Variants in PLSCR2 observed in about 807,000 individuals in gnomAD.
The protein encoded by PLSCR2 is PL scramblase 2.
PLSCR2 carries 18 observed loss-of-function variants against 25.3 expected under a neutral mutation model. That is an observed-to-expected ratio of 0.71 (90% CI 0.49 to 1.06). The LOEUF (loss-of-function observed/expected upper bound fraction) is 1.06, where lower values mean the gene tolerates loss of function less well. PLSCR2 is among the 50% of genes least tolerant of loss of function. PLSCR2 has a pLI of 0.00. For synonymous variants in PLSCR2, 88 were observed against 87.3 expected, an observed-to-expected ratio of 1.01 and a Z score of -0.04; for missense variants, 243 against 269.5, an observed-to-expected ratio of 0.90 and a Z score of 0.69.
At chr3:146,444,722 T>G (rs576520484) in intron 6 of PLSCR2, among the ~76,000 whole-genome samples, 35 of 152,198 alleles carry the variant, frequency 2.3e-4, no homozygotes, top group African/African-American at 7.7e-4. Context: ...ATTCTATGTC[T>G]TTTGATTAGA....
chr3:146,395,398 C>T (rs1199576388), intron 3 of PLSCR2, among the ~76,000 whole-genome samples: 1 of 151,994 alleles, frequency 6.6e-6, no homozygotes, highest in Non-Finnish European at 1.5e-5. Context: ...CTATAGTTTC[C>T]AAATTAACAA....
chr3:146,471,831 TG>T (rs1481459169), intron 1 of PLSCR2, among the ~76,000 whole-genome samples: 1 of 152,222 alleles, frequency 6.6e-6, no homozygotes, highest in East Asian at 1.9e-4. Context: ...CCCAAAGTGC[TG>T]GGATTGCAGG....
At chr3:146,473,159 T>C (rs933569065) in intron 1 of PLSCR2, among the ~76,000 whole-genome samples, 1 of 152,216 alleles carries the variant, frequency 6.6e-6, no homozygotes, top group Non-Finnish European at 1.5e-5. Context: ...TCTGCTTTTT[T>C]TCATATTCTC....
downstream of PLSCR2, among the ~76,000 whole-genome samples, chr3:146,431,083 T>C (rs1243872415): frequency 2.5e-4 from 38 of 152,094 alleles, 1 homozygote; most frequent in Admixed American, 2.5e-3. Context: ...ACTCATTGCC[T>C]TCCCCCTCAG....
chr3:146,459,099 C>CAAACATT (rs2041398149), intron 2 of PLSCR2, among the ~76,000 whole-genome samples: 1 of 152,014 alleles, frequency 6.6e-6, no homozygotes, highest in African/African-American at 2.4e-5. Flanking sequence ...TAAGACAAAA[C>CAAACATT]AAACATTAAA....
At position 146,447,567 on chromosome 3, in the gene PLSCR2, A is replaced by C. The variant is rs188769107; in HGVS notation, c.645+1639T>G. ...ATTCTACTGTAGGGGGGTGGTATACAAGTTGCAAGAAAAAGACCTCTTTAC... is the reference window on the plus strand; with the variant it reads ...ATTCTACTGTAGGGGGGTGGTATACCAGTTGCAAGAAAAAGACCTCTTTAC... On this transcript the variant is annotated intron_variant, in intron 6 of 6. Transcript: ENST00000610787. Among the ~76,000 whole-genome samples, 290 of 152,208 alleles carry C rather than the reference A, an allele frequency of 1.9e-3. 2 individuals carry two copies. The highest frequency in any genetic ancestry group is 6.8e-3 in the African/African-American group (281 of 41,546).
At chr3:146,492,609 A>G (rs1185126203) in intron 1 of PLSCR2, among the ~76,000 whole-genome samples, 1 of 152,140 alleles carries the variant, frequency 6.6e-6, no homozygotes, top group Non-Finnish European at 1.5e-5. Context: ...GAAAACAAAG[A>G]TAAAACACAC....
intron 1 of PLSCR2, among the ~76,000 whole-genome samples, chr3:146,468,102 G>A (rs1283928259): frequency 6.6e-6 from 1 of 152,114 alleles, no homozygotes; most frequent in East Asian, 1.9e-4. Flanking sequence ...GTATTATTTT[G>A]CTCTTTTCAG....
At chr3:146,480,732 A>G (rs144542683) in intron 1 of PLSCR2, among the ~76,000 whole-genome samples, 1,659 of 152,320 alleles carry the variant, frequency 0.011, 26 homozygotes, top group African/African-American at 0.038. Context: ...AACTCATTTT[A>G]TAAGGCCAGC....
chr3:146,407,992 A>G (rs2038715721), intron 2 of PLSCR2, among the ~76,000 whole-genome samples: 1 of 152,170 alleles, frequency 6.6e-6, no homozygotes, highest in South Asian at 2.1e-4. Context: ...TGTGGGAGAG[A>G]AAGTCAAAGG....
intron 1 of PLSCR2, among the ~76,000 whole-genome samples, chr3:146,474,249 GCTAT>G (rs2042211953): frequency 2.6e-5 from 4 of 152,082 alleles, no homozygotes; most frequent in Admixed American, 2.0e-4. Flanking sequence ...CTCAAAACAT[GCTAT>G]CTTTTTTTAT....
chr3:146,455,175 C>G (rs1312082416), intron 4 of PLSCR2, 64 bp downstream of exon 4: 10 of 1,045,596 alleles, frequency 9.6e-6, no homozygotes, highest in Non-Finnish European at 1.2e-5. Flanking sequence ...TATACAGATT[C>G]AATAAAAGGG....
intron 3 of PLSCR2, among the ~76,000 whole-genome samples, chr3:146,394,612 C>A (rs987879332): frequency 6.6e-6 from 1 of 152,154 alleles, no homozygotes; most frequent in African/African-American, 2.4e-5. Context: ...AGAAGGTTTA[C>A]AAATAATGTC....
At chr3:146,442,283 A>G (rs35223042) in intron 6 of PLSCR2, among the ~76,000 whole-genome samples, 73,591 of 151,872 alleles carry the variant, frequency 0.48, 18,788 homozygotes, top group South Asian at 0.7. Context: ...AACATTCTGT[A>G]TACTGAAAAC....
At chr3:146,483,509 A>ATATATATACATGTGTATATATATATAT (rs1553791539) in intron 1 of PLSCR2, among the ~76,000 whole-genome samples, 1 of 127,074 alleles carries the variant, frequency 7.9e-6, no homozygotes. Context: ...ATATATATAT[A>ATATATATACATGTGTATATATATATAT]ATGTTACTAC....
intron 2 of PLSCR2, among the ~76,000 whole-genome samples, chr3:146,402,469 GT>G (rs796833368): frequency 1.7e-4 from 26 of 149,064 alleles, no homozygotes; most frequent in African/African-American, 4.9e-4. Flanking sequence ...ACATTCTGGT[GT>G]TTTTTTTTTC....
chr3:146,401,400 A>G (rs2038471091), intron 2 of PLSCR2: 1 of 152,576 alleles, frequency 6.6e-6, no homozygotes. Flanking sequence ...CAGAGCAAGT[A>G]CATCTCTACC....
intron 1 of PLSCR2, among the ~76,000 whole-genome samples, chr3:146,491,658 G>C (rs1230324253): frequency 6.6e-6 from 1 of 152,050 alleles, no homozygotes; most frequent in Non-Finnish European, 1.5e-5. Flanking sequence ...GCTTCCAATT[G>C]CATTATTAAA....
At chr3:146,420,809 C>A (rs2039124124) in intron 2 of PLSCR2, among the ~76,000 whole-genome samples, 1 of 151,998 alleles carries the variant, frequency 6.6e-6, no homozygotes. Context: ...TATGCTTCAG[C>A]CCAATTATAG....
Sources: gnomAD v4.1 joint callset for allele counts (sites outside exome capture counted in the v4.1 genomes callset) on GRCh38, gnomAD v4.1.1 for gene constraint, MANE v1.5 for transcripts, NCBI Gene and HGNC (gene_info 2026-07-23, HGNC 2026-07-21) for gene names.